The following LEKR1 variants were observed in gnomAD, a reference collection of about 807,000 sequenced individuals.
LEKR1 encodes leucine, glutamate and lysine rich 1, also known as protein LEKR1.
In LEKR1, 59 loss-of-function variants were observed where a neutral mutation model predicts 72.4. That is an observed-to-expected ratio of 0.82 (90% CI 0.66 to 1.01). The LOEUF is 1.01. Among genes scored for constraint, LEKR1 ranks in the 50% least tolerant of loss-of-function variants. LEKR1 has a pLI of 0.00. For synonymous variants in LEKR1, 257 were observed against 263.2 expected (o/e 0.98, Z 0.23); for missense variants, 728 against 759.2 (o/e 0.96, Z 0.48).
rs374833443 is a variant in LEKR1 at position 156,829,412 on chromosome 3, G to T, written c.48+35G>T. The stretch of plus-strand genomic sequence containing the variant: ...ATTGTGTTGCTACAGCCTAACAGTG[G>T]GAACATGTAGCAGTTACATAATTCT... On this transcript the variant is annotated intron_variant, in intron 2 of 12. Transcript: ENST00000356539. 23 of 1,433,724 alleles carry T rather than the reference G, an allele frequency of 1.6e-5. No individual in the cohort carries two copies. The East Asian group carries it at 3.6e-4, about 22-fold the overall frequency. 88.8% of individuals were successfully genotyped at this position (1,433,724 alleles called of 1,614,324 possible). A position where few individuals can be genotyped will look rare whatever the true frequency, so the allele number is the denominator to read the frequency against.
intron 12 of LEKR1, among the ~76,000 whole-genome samples, chr3:157,032,849 C>G (rs1734714850): frequency 6.6e-6 from 1 of 152,108 alleles, no homozygotes; most frequent in African/African-American, 2.4e-5. Context: ...TGTGGCAACC[C>G]CTATGTCGAG....
At chr3:156,859,226 T>C (rs1716457826) in intron 3 of LEKR1, among the ~76,000 whole-genome samples, 2 of 152,172 alleles carry the variant, frequency 1.3e-5, no homozygotes, top group African/African-American at 4.8e-5. Flanking sequence ...AAGGGAATAT[T>C]GAAGTCCTTC....
chr3:156,997,780 G>GA (rs200799938), intron 9 of LEKR1, among the ~76,000 whole-genome samples: 2 of 152,258 alleles, frequency 1.3e-5, no homozygotes, highest in South Asian at 4.1e-4. Context: ...GGTGACCCTA[G>GA]AAAAAAACTA....
intron 10 of LEKR1, among the ~76,000 whole-genome samples, chr3:157,018,345 A>G (rs1733543283): frequency 6.6e-6 from 1 of 152,218 alleles, no homozygotes; most frequent in East Asian, 1.9e-4. Context: ...TTATATTTAT[A>G]GAATTCTCAA....
Position 156,993,116 on chromosome 3 carries a change from T to C in LEKR1, c.948T>C (p.Thr316=). 6.2e-7 allele frequency: 1 copy of C among 1,610,542 alleles called. No homozygotes were observed. Among genetic ancestry groups the C allele is most frequent in the Non-Finnish European group, 8.5e-7 (1 of 1,178,816 alleles). Reference sequence around the variant, plus strand: ...AGGAAAAAGAAGACTCTTTAATGACTTGTCAACAGATATATAAAGCATTAC... The same window carrying C: ...AGGAAAAAGAAGACTCTTTAATGACCTGTCAACAGATATATAAAGCATTAC... The part of the protein sequence containing the change: ...LLKEKEDSLM[T]CQQIYKALQE... Residue 316 remains threonine (T), a synonymous_variant, in exon 9 of 13, where the codon ACT becomes ACC. Coordinates refer to ENST00000356539, the MANE Select transcript of LEKR1 (RefSeq NM_001004316.3).
intron 6 of LEKR1, among the ~76,000 whole-genome samples, chr3:156,946,254 G>T (rs968989380): frequency 6.6e-6 from 1 of 151,390 alleles, no homozygotes. Context: ...GTTCACTGTT[G>T]TCATATAGAA....
At chr3:156,900,708 A>T (rs1422682462) in intron 3 of LEKR1, among the ~76,000 whole-genome samples, 1 of 152,170 alleles carries the variant, frequency 6.6e-6, no homozygotes, top group Non-Finnish European at 1.5e-5. Flanking sequence ...TTGCTAGAGT[A>T]TTTGGCTTAT....
rs193083253 is a variant in LEKR1 at position 156,894,834 on chromosome 3, A to G, written c.264-25741A>G. ...ATAAATGCTGCTGGAATAACTGGCTATACATAAGTGGAAGATTGAAACTGG... is the reference window on the plus strand; with the variant it reads ...ATAAATGCTGCTGGAATAACTGGCTGTACATAAGTGGAAGATTGAAACTGG... On this transcript the variant is annotated intron_variant, in intron 3 of 12. Coordinates refer to ENST00000356539, the MANE Select transcript of LEKR1 (RefSeq NM_001004316.3). Among the ~76,000 whole-genome samples, 197 of 152,336 alleles carry G rather than the reference A, an allele frequency of 1.3e-3. 1 individual carries two copies. Among genetic ancestry groups the G allele is most frequent in the Non-Finnish European group, 5.3e-4 (36 of 68,030 alleles).
At chr3:156,864,412 T>G (rs1717089491) in intron 3 of LEKR1, among the ~76,000 whole-genome samples, 1 of 152,030 alleles carries the variant, frequency 6.6e-6, no homozygotes, top group African/African-American at 2.4e-5. Flanking sequence ...TTTATGGTAT[T>G]TTCATCTTTT....
At chr3:156,900,299 G>A (rs1045554493) in intron 3 of LEKR1, among the ~76,000 whole-genome samples, 6 of 152,096 alleles carry the variant, frequency 3.9e-5, no homozygotes, top group Non-Finnish European at 7.4e-5. Context: ...ACAACACTCT[G>A]CAAGACAGAT....
Position 156,949,714 on chromosome 3 carries a change from A to G in LEKR1, c.745+7000A>G, listed in dbSNP as rs142531558. Among the ~76,000 whole-genome samples the G allele has an allele frequency of 1.5e-3, 228 of 151,436 alleles. 2 individuals are homozygous for G. The East Asian group carries it at 0.019, about 13-fold the overall frequency. ...CAAGTAGAGAATTGTATTTTACTTCATATTTCAAAGGAACATTTAGTAAGA... is the reference window on the plus strand; with the variant it reads ...CAAGTAGAGAATTGTATTTTACTTCGTATTTCAAAGGAACATTTAGTAAGA... On this transcript the variant is annotated intron_variant, in intron 6 of 12. Coordinates refer to ENST00000356539, the MANE Select transcript of LEKR1 (RefSeq NM_001004316.3).
intron 3 of LEKR1, among the ~76,000 whole-genome samples, chr3:156,899,363 C>CACATATATACATGT (rs1721588853): frequency 1.8e-5 from 2 of 112,412 alleles, no homozygotes; most frequent in South Asian, 5.5e-4. Flanking sequence ...TGTATATATA[C>CACATATATACATGT]ATATATACAT....
intron 3 of LEKR1, among the ~76,000 whole-genome samples, chr3:156,878,604 T>A (rs1231290355): frequency 6.6e-6 from 1 of 152,182 alleles, no homozygotes; most frequent in Non-Finnish European, 1.5e-5. Flanking sequence ...TATTCTGCAG[T>A]TGTTGGGTAG....
intron 2 of LEKR1, among the ~76,000 whole-genome samples, chr3:156,837,923 T>C (rs1186043832): frequency 1.3e-5 from 2 of 152,050 alleles, no homozygotes; most frequent in Non-Finnish European, 2.9e-5. Context: ...CAAAAGAAAA[T>C]CATCTCTTTC....
intron 3 of LEKR1, among the ~76,000 whole-genome samples, chr3:156,858,385 T>A (rs1217199773): frequency 6.6e-6 from 1 of 152,056 alleles, no homozygotes; most frequent in Non-Finnish European, 1.5e-5. Flanking sequence ...AAATTTATAT[T>A]TATCAGGCCA....
At chr3:157,045,050 C>T (rs954265183) in intron 12 of LEKR1, among the ~76,000 whole-genome samples, 2 of 152,158 alleles carry the variant, frequency 1.3e-5, no homozygotes, top group African/African-American at 4.8e-5. Flanking sequence ...TAACTCCAGC[C>T]GCACCACTAA....
chr3:157,007,358 G>C (rs1461330500), intron 9 of LEKR1, among the ~76,000 whole-genome samples: 1 of 152,186 alleles, frequency 6.6e-6, no homozygotes, highest in Non-Finnish European at 1.5e-5. Flanking sequence ...TAATGAAAAA[G>C]AGGCACATTT....
intron 9 of LEKR1, among the ~76,000 whole-genome samples, chr3:157,005,885 T>C (rs891916282): frequency 6.6e-6 from 1 of 151,932 alleles, no homozygotes; most frequent in Non-Finnish European, 1.5e-5. Flanking sequence ...AAGACTTGAA[T>C]AGACAACACC....
intron 6 of LEKR1, among the ~76,000 whole-genome samples, chr3:156,966,303 C>A (rs1287082971): frequency 6.6e-6 from 1 of 151,948 alleles, no homozygotes; most frequent in Non-Finnish European, 1.5e-5. Flanking sequence ...GTGCAGCACA[C>A]CGAGTGTGAG....
Sources: gnomAD v4.1 joint callset for allele counts (sites outside exome capture counted in the v4.1 genomes callset) on GRCh38, gnomAD v4.1.1 for gene constraint, MANE v1.5 for transcripts, NCBI Gene and HGNC (gene_info 2026-07-23, HGNC 2026-07-21) for gene names.